Variants in LPIN2 observed in about 807,000 individuals in gnomAD.
LPIN2 encodes the protein phosphatidate phosphatase LPIN2.
LPIN2 carries 55 observed loss-of-function variants against 111.4 expected under a neutral mutation model. The observed-to-expected ratio is 0.49, with a 90% CI of 0.40 to 0.62. The LOEUF (loss-of-function observed/expected upper bound fraction) is 0.62. Ranked by LOEUF, LPIN2 falls within the 20% of genes least tolerant of loss-of-function variation. LPIN2 has a pLI of 0.00. For synonymous variants in LPIN2, 425 were observed against 414.0 expected, an observed-to-expected ratio of 1.03 and a Z score of -0.32; for missense variants, 992 against 1,112.1, an observed-to-expected ratio of 0.89 and a Z score of 1.54.
chr18:3,001,810 T>C (rs1247571159), intron 1 of LPIN2, among the ~76,000 whole-genome samples: 4 of 152,174 alleles, frequency 2.6e-5, no homozygotes, highest in Admixed American at 6.5e-5. Flanking sequence ...ATACTTAAGA[T>C]TTTAAAAGAT....
chr18:2,941,120 T>C (rs542973827), intron 4 of LPIN2, among the ~76,000 whole-genome samples: 49 of 152,314 alleles, frequency 3.2e-4, no homozygotes, highest in African/African-American at 1.1e-3. Context: ...TAGGAAGTAG[T>C]TGGATTCAAA....
chr18:2,976,215 C>A (rs2078012676), intron 1 of LPIN2, among the ~76,000 whole-genome samples: 1 of 152,176 alleles, frequency 6.6e-6, no homozygotes, highest in Admixed American at 6.5e-5. Flanking sequence ...AATTACGTGT[C>A]CTAATTGTGT....
intron 2 of LPIN2, among the ~76,000 whole-genome samples, chr18:2,957,786 T>G (rs1012929947): frequency 6.6e-6 from 1 of 152,206 alleles, no homozygotes; most frequent in Non-Finnish European, 1.5e-5. Flanking sequence ...CTTTTTTGCC[T>G]AAGCTAGTAG....
chr18:2,920,687 C>G, intron 19 of LPIN2, 91 bp downstream of exon 19: 1 of 989,936 alleles, frequency 1.0e-6, no homozygotes, highest in Non-Finnish European at 1.6e-6. Flanking sequence ...GGCCTGATCT[C>G]AAGGATCAGG....
intron 1 of LPIN2, among the ~76,000 whole-genome samples, chr18:2,978,439 CCTCAATCT>C (rs765305978): frequency 1.5e-4 from 23 of 152,108 alleles, no homozygotes; most frequent in Non-Finnish European, 2.6e-4. Context: ...AAACACACAA[CCTCAATCT>C]AATTATGAGA....
chr18:2,955,404 TGC>T (rs1294545717), intron 2 of LPIN2, among the ~76,000 whole-genome samples: 2 of 151,096 alleles, frequency 1.3e-5, no homozygotes, highest in South Asian at 4.2e-4. Context: ...CACACAAAGG[TGC>T]CACACACTTT....
At chr18:2,985,597 G>C (rs549131502) in intron 1 of LPIN2, among the ~76,000 whole-genome samples, 1 of 152,092 alleles carries the variant, frequency 6.6e-6, no homozygotes, top group Non-Finnish European at 1.5e-5. Context: ...ATGATGCTAA[G>C]TAAAATATAT....
chr18:2,933,701 GTTT>G (rs113636017), intron 8 of LPIN2, among the ~76,000 whole-genome samples: 2 of 152,186 alleles, frequency 1.3e-5, no homozygotes, highest in Non-Finnish European at 2.9e-5. Flanking sequence ...GAGAAAAGTT[GTTT>G]TTTTCTAACC....
chr18:2,972,222 A>G (rs1469273153), intron 1 of LPIN2: 1 of 152,264 alleles, frequency 6.6e-6, no homozygotes, highest in Non-Finnish European at 1.5e-5. Context: ...GACAAAAATG[A>G]CACCGCCTCA....
chr18:2,960,174 A>ATGTGTGTGTGTGTGTGTGTGTGTG (rs59457524), intron 2 of LPIN2, among the ~76,000 whole-genome samples: 3 of 136,542 alleles, frequency 2.2e-5, no homozygotes, highest in Non-Finnish European at 4.7e-5. Context: ...CGACTCAAAA[A>ATGTGTGTGTGTGTGTGTGTGTGTG]TGTGTGTGTG....
chr18:2,943,822 T>C (rs982496917), intron 4 of LPIN2, among the ~76,000 whole-genome samples: 1 of 152,218 alleles, frequency 6.6e-6, no homozygotes, highest in African/African-American at 2.4e-5. Context: ...CAGATCTTTT[T>C]GTTTTTATTT....
At chr18:3,008,156 C>T (rs1054493240) in intron 1 of LPIN2, among the ~76,000 whole-genome samples, 7 of 152,162 alleles carry the variant, frequency 4.6e-5, no homozygotes, top group Non-Finnish European at 1.0e-4. Flanking sequence ...AAAACGGATG[C>T]TTAGGCTGGG....
At chr18:2,977,576 C>T (rs111427942) in intron 1 of LPIN2, among the ~76,000 whole-genome samples, 1,550 of 152,184 alleles carry the variant, frequency 0.01, 25 homozygotes, top group African/African-American at 0.035. Flanking sequence ...TGGAGCATCT[C>T]GTGGAGTCAG....
chr18:2,934,965 A>G (rs1460619258), intron 7 of LPIN2, among the ~76,000 whole-genome samples: 4 of 152,246 alleles, frequency 2.6e-5, no homozygotes, highest in Admixed American at 6.5e-5. Context: ...AATCACGTTC[A>G]GCATTACTAT....
At chr18:3,005,121 C>T (rs1191842230) in intron 1 of LPIN2, among the ~76,000 whole-genome samples, 9 of 151,344 alleles carry the variant, frequency 5.9e-5, no homozygotes, top group Admixed American at 1.3e-4. Flanking sequence ...AGGCCAAGGT[C>T]GGTGGATCAC....
At chr18:2,935,900 G>T (rs761195898) in intron 7 of LPIN2, among the ~76,000 whole-genome samples, 1 of 152,132 alleles carries the variant, frequency 6.6e-6, no homozygotes, top group Non-Finnish European at 1.5e-5. Context: ...AACCACTCAG[G>T]GTTCCTGTCT....
intron 1 of LPIN2, chr18:2,982,701 AT>A: frequency 7.7e-7 from 1 of 1,303,784 alleles, no homozygotes; most frequent in Non-Finnish European, 1.0e-6. Flanking sequence ...CATGGTAAAC[AT>A]CTTGAGTTTT....
At chr18:2,960,061 T>C (rs1206683356) in intron 2 of LPIN2, among the ~76,000 whole-genome samples, 1 of 151,936 alleles carries the variant, frequency 6.6e-6, no homozygotes, top group Non-Finnish European at 1.5e-5. Flanking sequence ...TCCCAGGCAC[T>C]TGGGAGGCTG....
At chr18:3,012,122 T>C (rs2078614566) in intron 1 of LPIN2, among the ~76,000 whole-genome samples, 1 of 152,166 alleles carries the variant, frequency 6.6e-6, no homozygotes, top group Admixed American at 6.5e-5. Context: ...TCATCACTAC[T>C]GGGTAAAGAA....
Sources: gnomAD v4.1 joint callset for allele counts (sites outside exome capture counted in the v4.1 genomes callset) on GRCh38, gnomAD v4.1.1 for gene constraint, MANE v1.5 for transcripts, NCBI Gene and HGNC (gene_info 2026-07-23, HGNC 2026-07-21) for gene names.